Variants in CWF19L2 observed in about 807,000 individuals in gnomAD.
CWF19L2 encodes CWF19-like protein 2.
CWF19L2 carries 98 observed loss-of-function variants against 111.7 expected under a neutral mutation model. The observed-to-expected ratio is 0.88, with a 90% CI of 0.75 to 1.04. The LOEUF is 1.04. Ranked by LOEUF, CWF19L2 falls within the 50% of genes least tolerant of loss-of-function variation. CWF19L2 has a pLI of 0.00. For synonymous variants in CWF19L2, 351 were observed against 342.9 expected, an observed-to-expected ratio of 1.02 and a Z score of -0.26; for missense variants, 1,101 against 1,051.4, an observed-to-expected ratio of 1.05 and a Z score of -0.65.
chr11:107,441,586 T>G lies in CWF19L2; in HGVS notation c.487A>C (p.Lys163Gln), dbSNP rs148105976. The G allele has an allele frequency of 4.5e-6, 7 of 1,545,432 alleles. No homozygotes were observed. Among genetic ancestry groups the G allele is most frequent in the Non-Finnish European group, 6.1e-6 (7 of 1,145,218 alleles). Residue 163 changes from lysine (K) to glutamine (Q), a missense_variant, in exon 5 of 18, where the codon AAA becomes CAA. By Grantham distance (53) the Lys-to-Gln change is moderately conservative. Transcript: ENST00000282251. ...TTGAGTGATGATGATGACACAGTTT[T>G]AACAGACATAAAATCAACAGTCATC... is the stretch of plus-strand genomic sequence containing the variant. ...EWMTVDFMSV[K>Q]TVSSSSLKAE...
intron 12 of CWF19L2, among the ~76,000 whole-genome samples, chr11:107,356,191 A>G (rs192418213): frequency 1.7e-3 from 253 of 152,328 alleles, no homozygotes; most frequent in Non-Finnish European, 2.6e-3. Context: ...AAACAGCAAT[A>G]AAACAAAAAT....
intron 11 of CWF19L2, 65 bp downstream of exon 11, chr11:107,392,714 C>T: frequency 1.1e-6 from 1 of 931,024 alleles, no homozygotes; most frequent in Non-Finnish European, 1.6e-6. Context: ...TAATCTGATA[C>T]AAAGAAAGCC....
intron 10 of CWF19L2, among the ~76,000 whole-genome samples, chr11:107,400,868 T>A (rs1163708114): frequency 6.6e-6 from 1 of 152,170 alleles, no homozygotes; most frequent in African/African-American, 2.4e-5. Context: ...TAATCCACCA[T>A]GATCAAGTGG....
chr11:107,354,551 G>A (rs1300888212), intron 12 of CWF19L2, among the ~76,000 whole-genome samples: 1 of 152,032 alleles, frequency 6.6e-6, no homozygotes, highest in Non-Finnish European at 1.5e-5. Context: ...CATATATATA[G>A]TATCATGGGG....
intron 12 of CWF19L2, among the ~76,000 whole-genome samples, chr11:107,361,825 G>A (rs566678007): frequency 2.0e-5 from 3 of 152,222 alleles, no homozygotes; most frequent in Non-Finnish European, 4.4e-5. Context: ...GAGGAGCCAA[G>A]ATGGCCGAAC....
chr11:107,394,629 A>T (rs2134599191), intron 10 of CWF19L2, among the ~76,000 whole-genome samples: 1 of 152,314 alleles, frequency 6.6e-6, no homozygotes, highest in Non-Finnish European at 1.5e-5. Context: ...ATATCTATTT[A>T]ATCTTAGGAG....
In CWF19L2 at chr11:107,345,536, A is replaced by C. The variant is rs752550772; in HGVS notation, c.2202+3401T>G. 36 of 447,446 alleles carry C rather than the reference A, an allele frequency of 8.0e-5. No individual in the cohort carries two copies. The Middle Eastern group carries it at 1.3e-3, about 17-fold the overall frequency. The allele number at this position is 447,446 out of a possible 1,614,324, so 27.7% of individuals were successfully genotyped here. On this transcript the variant is annotated intron_variant, in intron 14 of 17. Coordinates refer to ENST00000282251, the MANE Select transcript of CWF19L2 (RefSeq NM_152434.3). Reference sequence around the variant, plus strand: ...CAGACTCAAAATGTCATGAATTATAAACAAAAACTGAAAAAATACTAAAAT... The same window carrying C: ...CAGACTCAAAATGTCATGAATTATACACAAAAACTGAAAAAATACTAAAAT...
chr11:107,348,065 TTG>T (rs2134540627), intron 14 of CWF19L2, among the ~76,000 whole-genome samples: 1 of 152,280 alleles, frequency 6.6e-6, no homozygotes, highest in Admixed American at 6.5e-5. Flanking sequence ...TTACTTTTGC[TTG>T]GTTGCAGATG....
rs1860494684 is a variant in CWF19L2 at position 107,370,672 on chromosome 11, T to C, written c.1873-16936A>G. ...AAGTGGATATTTCAGATGCCATAAA[T>C]AGCATGAGATCTGACCTGTCAGCAA... On this transcript the variant is annotated intron_variant, in intron 12 of 17. Transcript: ENST00000282251. Among the ~76,000 whole-genome samples, 2 of 137,236 alleles carry C rather than the reference T, an allele frequency of 1.5e-5. 1 individual carries two copies. The highest frequency in any genetic ancestry group is 5.8e-5 in the African/African-American group (2 of 34,384). The allele number at this position is 137,236 out of a possible 152,430, so 90.0% of individuals were successfully genotyped here. A position where few individuals can be genotyped will look rare whatever the true frequency, so the allele number is the denominator to read the frequency against.
In CWF19L2 at chr11:107,402,873, G is replaced by GTATATATATATATATA. The variant is rs145828149; in HGVS notation, c.1618-9994_1618-9979dup. Reference sequence around the variant, plus strand: ...CGAGTGGATAAACAAACTGTGGTGTGTATATATATATATATATATATATAT... The same window carrying GTATATATATATATATA: ...CGAGTGGATAAACAAACTGTGGTGTGTATATATATATATATATATATATATATATATATATATATAT... On this transcript the variant is annotated intron_variant, in intron 10 of 17. Coordinates refer to ENST00000282251, the MANE Select transcript of CWF19L2 (RefSeq NM_152434.3). Among the ~76,000 whole-genome samples, 210 of 94,356 alleles carry GTATATATATATATATA rather than the reference G, an allele frequency of 2.2e-3. 1 individual carries two copies. The highest frequency in any genetic ancestry group is 2.6e-3 in the Non-Finnish European group (130 of 49,412). 61.9% of individuals were successfully genotyped at this position (94,356 alleles called of 152,430 possible). A position where few individuals can be genotyped will look rare whatever the true frequency, so the allele number is the denominator to read the frequency against.
intron 8 of CWF19L2, among the ~76,000 whole-genome samples, chr11:107,428,101 A>G (rs1351335602): frequency 1.3e-5 from 2 of 152,018 alleles, no homozygotes; most frequent in Non-Finnish European, 2.9e-5. Flanking sequence ...CCCTTTGGAC[A>G]CTTTTTTTTC....
intron 12 of CWF19L2, among the ~76,000 whole-genome samples, chr11:107,363,200 G>A (rs1591164449): frequency 6.6e-6 from 1 of 152,216 alleles, no homozygotes; most frequent in East Asian, 1.9e-4. Flanking sequence ...CGTCGGATTG[G>A]TGTACCTGAA....
intron 12 of CWF19L2, among the ~76,000 whole-genome samples, chr11:107,387,493 G>T (rs1860787599): frequency 6.7e-6 from 1 of 149,744 alleles, no homozygotes; most frequent in Non-Finnish European, 1.5e-5. Flanking sequence ...CCTTCAAATG[G>T]CTCCCCATCA....
intron 12 of CWF19L2, 43 bp downstream of exon 12, chr11:107,390,031 T>C: frequency 6.4e-7 from 1 of 1,564,412 alleles, no homozygotes; most frequent in South Asian, 1.1e-5. Flanking sequence ...CACTGAATAA[T>C]CAGCTTCTCA....
intron 10 of CWF19L2, among the ~76,000 whole-genome samples, chr11:107,393,952 G>A (rs2134598448): frequency 6.6e-6 from 1 of 152,192 alleles, no homozygotes; most frequent in African/African-American, 2.4e-5. Context: ...CAGGTGATGG[G>A]TAGAAGCCCA....
chr11:107,439,090 C>T lies in CWF19L2; in HGVS notation c.664G>A (p.Val222Ile). ...GTCTATAATCAAAATGTAGAAATAC[C>T]TTTAGTAATCGATGACACACTACAG... is the stretch of plus-strand genomic sequence containing the variant. The part of the protein sequence containing the change: ...EDCSVSSITK[V>I]SVVEDGGLSW... The change falls in exon 6 of 18, where the codon GTT becomes ATT. Residue 222 changes from valine to isoleucine, a missense_variant and splice_region_variant. Coordinates refer to ENST00000282251, the MANE Select transcript of CWF19L2 (RefSeq NM_152434.3). 1 of 1,115,666 alleles carries T rather than the reference C, an allele frequency of 9.0e-7. No homozygotes were observed. The highest frequency in any genetic ancestry group is 1.3e-6 in the Non-Finnish European group (1 of 757,886). 69.1% of individuals were successfully genotyped at this position (1,115,666 alleles called of 1,614,324 possible).
At chr11:107,440,388 G>GCTC (rs1565285998) in intron 5 of CWF19L2, among the ~76,000 whole-genome samples, 1 of 152,080 alleles carries the variant, frequency 6.6e-6, no homozygotes, top group African/African-American at 2.4e-5. Flanking sequence ...TGACGAAAAA[G>GCTC]AACCTTCAAA....
chr11:107,379,577 C>G (rs187240139), intron 12 of CWF19L2, among the ~76,000 whole-genome samples: 1 of 152,222 alleles, frequency 6.6e-6, no homozygotes, highest in African/African-American at 2.4e-5. Flanking sequence ...CTACTGATAA[C>G]CTGTTCAATC....
intron 12 of CWF19L2, among the ~76,000 whole-genome samples, chr11:107,380,138 T>C (rs576360291): frequency 1.5e-4 from 23 of 149,040 alleles, no homozygotes; most frequent in African/African-American, 5.7e-4. Flanking sequence ...TGTCATTATA[T>C]AGAAAAAAAA....
Sources: gnomAD v4.1 joint callset for allele counts (sites outside exome capture counted in the v4.1 genomes callset) on GRCh38, gnomAD v4.1.1 for gene constraint, MANE v1.5 for transcripts, NCBI Gene and HGNC (gene_info 2026-07-23, HGNC 2026-07-21) for gene names.